ARID1B: variants seen among roughly 807,000 people sequenced by gnomAD.
ARID1B encodes the protein AT-rich interactive domain-containing protein 1B.
A neutral mutation model predicts 212.3 loss-of-function variants in ARID1B; 30 were observed. That is an observed-to-expected ratio of 0.14 (90% CI 0.11 to 0.19). The LOEUF (loss-of-function observed/expected upper bound fraction) is 0.19. Among genes scored for constraint, ARID1B ranks in the 10% least tolerant of loss-of-function variants. The pLI, the probability that ARID1B is intolerant of heterozygous loss-of-function variation, is 1.00. For missense variants in ARID1B, 2,891 were observed against 3,204.0 expected, an observed-to-expected ratio of 0.90 and a Z score of 2.36; for synonymous variants, 1,402 against 1,301.7, an observed-to-expected ratio of 1.08 and a Z score of -1.66.
chr6:157,122,163 G>A (rs1787766728), intron 6 of ARID1B, among the ~76,000 whole-genome samples: 1 of 152,154 alleles, frequency 6.6e-6, no homozygotes, highest in African/African-American at 2.4e-5. Context: ...GGGATTTCTT[G>A]TTTTTAATTG....
chr6:156,905,526 A>G (rs2128218470), intron 3 of ARID1B, among the ~76,000 whole-genome samples: 1 of 152,324 alleles, frequency 6.6e-6, no homozygotes, highest in East Asian at 1.9e-4. Flanking sequence ...GAAATTGTTA[A>G]TTCCATTTAC....
intron 4 of ARID1B, among the ~76,000 whole-genome samples, chr6:157,046,402 T>C (rs1008299839): frequency 6.6e-6 from 1 of 152,090 alleles, no homozygotes; most frequent in Non-Finnish European, 1.5e-5. Context: ...TGGAATAGGA[T>C]TTTTTTCCTG....
At chr6:156,791,620 C>T (rs1347263797) in intron 1 of ARID1B, among the ~76,000 whole-genome samples, 1 of 152,170 alleles carries the variant, frequency 6.6e-6, no homozygotes, top group East Asian at 1.9e-4. Context: ...GCCATTCATC[C>T]CTGACCTGGG....
intron 2 of ARID1B, among the ~76,000 whole-genome samples, chr6:156,874,462 C>T (rs1786387375): frequency 6.6e-6 from 1 of 152,190 alleles, no homozygotes; most frequent in Non-Finnish European, 1.5e-5. Flanking sequence ...AATCTCTCAC[C>T]TGTAGAGTGA....
intron 4 of ARID1B, among the ~76,000 whole-genome samples, chr6:157,056,291 G>A (rs772422962): frequency 1.3e-5 from 2 of 151,918 alleles, no homozygotes; most frequent in Middle Eastern, 3.2e-3. Flanking sequence ...TTTTTTACAT[G>A]TACTCAAAAT....
At chr6:157,085,992 C>T (rs1784940560) in intron 5 of ARID1B, among the ~76,000 whole-genome samples, 1 of 152,026 alleles carries the variant, frequency 6.6e-6, no homozygotes. Context: ...TTATTACAAA[C>T]ATTCATAGAG....
At chr6:156,839,874 T>A (rs533816507) in intron 2 of ARID1B, among the ~76,000 whole-genome samples, 29 of 152,328 alleles carry the variant, frequency 1.9e-4, no homozygotes, top group African/African-American at 6.3e-4. Flanking sequence ...CATCATGCAG[T>A]GTGCTTACTT....
Position 156,867,483 on chromosome 6 carries a change from A to G in ARID1B, c.1987-33893A>G, listed in dbSNP as rs147752579. Reference sequence around the variant, plus strand: ...GTACACTGTTTCCTGTGGAAAGCTGACCTAGTGATTGTATTTTATTGGGAT... The same window carrying G: ...GTACACTGTTTCCTGTGGAAAGCTGGCCTAGTGATTGTATTTTATTGGGAT... On this transcript the variant is annotated intron_variant, in intron 2 of 19. Transcript: ENST00000636930. Among the ~76,000 whole-genome samples, 261 of 152,238 alleles carry G rather than the reference A, an allele frequency of 1.7e-3. 2 individuals are homozygous for G. The highest frequency in any genetic ancestry group is 3.2e-4 in the Non-Finnish European group (22 of 68,018).
chr6:156,858,780 A>G (rs935407514), intron 2 of ARID1B, among the ~76,000 whole-genome samples: 1 of 152,166 alleles, frequency 6.6e-6, no homozygotes, highest in Non-Finnish European at 1.5e-5. Flanking sequence ...AAACAAAAAC[A>G]AAAACAAAAA....
chr6:157,088,830 G>A (rs1039227356), intron 5 of ARID1B, among the ~76,000 whole-genome samples: 2 of 152,140 alleles, frequency 1.3e-5, no homozygotes, highest in African/African-American at 4.8e-5. Context: ...ATTTGGTTCT[G>A]AGTCTGCCAG....
chr6:156,999,917 C>T (rs189083995), intron 4 of ARID1B, among the ~76,000 whole-genome samples: 1 of 152,304 alleles, frequency 6.6e-6, no homozygotes, highest in East Asian at 1.9e-4. Flanking sequence ...AAGAGAAAGA[C>T]AACCAATAAG....
At chr6:157,105,808 G>T (rs1025644055) in intron 5 of ARID1B, among the ~76,000 whole-genome samples, 125 of 152,142 alleles carry the variant, frequency 8.2e-4, no homozygotes, top group African/African-American at 2.7e-3. Flanking sequence ...CACCATGTTG[G>T]TCAGGCTGGT....
chr6:156,977,308 G>A (rs1185584770), intron 4 of ARID1B, among the ~76,000 whole-genome samples: 1 of 146,552 alleles, frequency 6.8e-6, no homozygotes, highest in Non-Finnish European at 1.5e-5. Context: ...TTAAACAGCA[G>A]CTCTAACTAA....
intron 4 of ARID1B, among the ~76,000 whole-genome samples, chr6:157,076,316 G>GTT (rs10640061): frequency 0.24 from 35,134 of 148,552 alleles, 4,475 homozygotes; most frequent in East Asian, 0.38. Context: ...TGTTTGTTTT[G>GTT]TTTTTTTTTC....
At chr6:156,971,103 A>T (rs1776890437) in intron 4 of ARID1B, among the ~76,000 whole-genome samples, 1 of 152,216 alleles carries the variant, frequency 6.6e-6, no homozygotes, top group African/African-American at 2.4e-5. Context: ...AATTAAGAGT[A>T]ATTACCAGGG....
intron 12 of ARID1B, among the ~76,000 whole-genome samples, chr6:157,182,565 G>T (rs552527414): frequency 6.6e-6 from 1 of 152,276 alleles, no homozygotes; most frequent in South Asian, 2.1e-4. Context: ...CATCTGCCCT[G>T]CAGGTGTCAC....
rs565074663 is a variant in ARID1B, at chr6:157,084,644, C to A, written c.2248-18C>A. The A allele has an allele frequency of 6.2e-7, 1 of 1,612,792 alleles. No individual in the cohort carries two copies. Among genetic ancestry groups the A allele is most frequent in the South Asian group, 1.1e-5 (1 of 90,938 alleles). The stretch of plus-strand genomic sequence containing the variant: ...ATCCAAACGTGTCACTCTATAAATA[C>A]ATCTTTTCCTTTCTTAGGATCTGTC... On this transcript the variant is annotated intron_variant, in intron 4 of 19. Transcript: ENST00000636930.
rs1778863809 is a variant in ARID1B, at chr6:156,778,570, C to G, written c.890C>G (p.Pro297Arg). 1.6e-6 allele frequency: 2 copies of G among 1,237,338 alleles called. No homozygotes were observed. Among genetic ancestry groups the G allele is most frequent in the South Asian group, 3.3e-5 (1 of 30,002 alleles). The allele number at this position is 1,237,338 out of a possible 1,614,324, so 76.6% of individuals were successfully genotyped here. ...GGCGCCCTGGGCACGCAGCAGCCGCCGGTCGCCGTGCCCGGGGGCGGCGGC... is the reference window on the plus strand; with the variant it reads ...GGCGCCCTGGGCACGCAGCAGCCGCGGGTCGCCGTGCCCGGGGGCGGCGGC... ...GLGALGTQQP[P>R]VAVPGGGGGP... The change falls in exon 1 of 20, where the codon CCG (proline) becomes CGG (arginine). Residue 297 changes from proline to arginine, a missense_variant. Around this residue, in one of 7 missense-constraint regions of ARID1B, gnomAD observed 1,643 missense variants for 1,544.0 expected, o/e 1.06. Transcript: ENST00000636930.
chr6:156,878,524 C>T (rs1786772861), intron 2 of ARID1B, among the ~76,000 whole-genome samples: 1 of 152,214 alleles, frequency 6.6e-6, no homozygotes, highest in Non-Finnish European at 1.5e-5. Context: ...TTCCTCCTCT[C>T]CTTGTTTCTT....
Sources: allele counts gnomAD v4.1 joint callset (sites outside exome capture counted in the v4.1 genomes callset), GRCh38; gene constraint gnomAD v4.1.1; regional missense constraint gnomAD v4.1.1; transcripts MANE v1.5; gene names NCBI Gene and HGNC (gene_info 2026-07-23, HGNC 2026-07-21).